CERS1: variants seen among roughly 807,000 people sequenced by gnomAD.
The protein encoded by CERS1 is Embryonic growth/differentiation factor 1.
In CERS1, 16 loss-of-function variants were observed where a neutral mutation model predicts 35.7. The observed-to-expected ratio is 0.45, with a 90% CI of 0.30 to 0.68. The LOEUF (loss-of-function observed/expected upper bound fraction) is 0.68, where lower values mean the gene tolerates loss of function less well. CERS1 is among the 30% of genes least tolerant of loss of function. The probability of loss-of-function intolerance (pLI) is 0.08; values close to 1 mark genes in which losing one functional copy is unlikely to be tolerated. For synonymous variants in CERS1, 243 were observed against 201.6 expected (o/e 1.21, Z -1.74); for missense variants, 454 against 453.9 (o/e 1.00, Z 0.00).
chr19:18,890,357 C>T (rs1045220504), intron 2 of CERS1, among the ~76,000 whole-genome samples: 1 of 152,248 alleles, frequency 6.6e-6, no homozygotes, highest in South Asian at 2.1e-4. Flanking sequence ...CCCTGCCACA[C>T]GGCCAGCTTC....
chr19:18,878,202 C>T lies in CERS1; in HGVS notation c.1010+728G>A. On this transcript the variant is annotated intron_variant, in intron 6 of 7. Transcript: ENST00000623882. The surrounding 1 kb of genome is among the most constrained non-coding windows in gnomAD (Gnocchi z 4.6). ...CCTTCCACAACCTCCTGCCCCGGCTCCTGCTCAAACACTCCTCACGTTGCC... is the reference window on the plus strand; with the variant it reads ...CCTTCCACAACCTCCTGCCCCGGCTTCTGCTCAAACACTCCTCACGTTGCC... 6 of 985,646 alleles carry T rather than the reference C, an allele frequency of 6.1e-6. No homozygotes were observed. Among genetic ancestry groups the T allele is most frequent in the African/African-American group, 1.7e-5 (1 of 57,328 alleles). The allele number at this position is 985,646 out of a possible 1,614,324, so 61.1% of individuals were successfully genotyped here. A position where few individuals can be genotyped will look rare whatever the true frequency, so the allele number is the denominator to read the frequency against.
chr19:18,880,329 G>A lies in CERS1; in HGVS notation c.697C>T (p.His233Tyr). 3.2e-6 allele frequency: 5 copies of A among 1,555,040 alleles called. No individual in the cohort carries two copies. Among genetic ancestry groups the A allele is most frequent in the Non-Finnish European group, 4.4e-6 (5 of 1,149,390 alleles). ...TCTGCTGCCAAGGCATGCAGCCGAT[G>A]GTAGGAGCCGCCGCGGGACTTGAAG... ...IYFKSRGGSY[H>Y]RLHALAADLG... The change falls in exon 4 of 8, where the codon CAT (histidine) becomes TAT (tyrosine). Residue 233 changes from histidine to tyrosine, a missense_variant. Coordinates refer to ENST00000623882, the MANE Select transcript of CERS1 (RefSeq NM_021267.5).
rs947865802 is a variant in CERS1 at position 18,869,972 on chromosome 19, G to A, written c.*594+11C>T. ...TCCAGGACCAGTGTCCCCAGCGAAAGCCCCACTCACCGCGGTCCGGGATGT... is the reference window on the plus strand; with the variant it reads ...TCCAGGACCAGTGTCCCCAGCGAAAACCCCACTCACCGCGGTCCGGGATGT... On this transcript the variant is annotated intron_variant, in intron 7 of 7. Coordinates refer to ENST00000623882, the MANE Select transcript of CERS1 (RefSeq NM_021267.5). 7 of 1,578,500 alleles carry A rather than the reference G, an allele frequency of 4.4e-6. No individual in the cohort carries two copies. Among genetic ancestry groups the A allele is most frequent in the Non-Finnish European group, 6.0e-6 (7 of 1,163,924 alleles).
In CERS1 at chr19:18,880,285, G is replaced by A. The variant is rs566462746; in HGVS notation, c.741C>T (p.Phe247=). The A allele has an allele frequency of 2.9e-5, 45 of 1,550,546 alleles. No homozygotes were observed. In the East Asian group the frequency reaches 6.3e-4, roughly 22 times the overall value. ...ALAADLGCLS[F]GFSWFWFRLY... ...TCCCTACCACTCACCAGCTGAAGCC[G>A]AAGCTGAGGCAGCCCAAGTCTGCTG... Residue 247 remains phenylalanine, a synonymous_variant, in exon 4 of 8, where the codon TTC becomes TTT. Transcript: ENST00000623882.
rs745755701 is a variant in CERS1, at chr19:18,870,199, C to T, written c.*378G>A. 1.6e-5 allele frequency: 25 copies of T among 1,558,990 alleles called. No individual in the cohort carries two copies. Among genetic ancestry groups the T allele is most frequent in the Admixed American group, 1.9e-5 (1 of 52,524 alleles). Reference sequence around the variant, plus strand: ...AGTCCTAGAGCCTGGAGCAGGGCGGCGGCTGGGCCTGGGGGCACGGGGGCG... The same window carrying T: ...AGTCCTAGAGCCTGGAGCAGGGCGGTGGCTGGGCCTGGGGGCACGGGGGCG... On this transcript the variant is annotated 3_prime_UTR_variant, in exon 7 of 8. Transcript: ENST00000623882. The surrounding 1 kb of genome is among the most constrained non-coding windows in gnomAD (Gnocchi z 5.1).
chr19:18,896,056 G>C lies in CERS1; in HGVS notation c.17C>G (p.Pro6Arg), dbSNP rs1232263427. The C allele has an allele frequency of 7.1e-6, 7 of 983,492 alleles. No homozygotes were observed. Among genetic ancestry groups the C allele is most frequent in the Non-Finnish European group, 8.4e-6 (7 of 829,908 alleles). The allele number at this position is 983,492 out of a possible 1,614,324, so 60.9% of individuals were successfully genotyped here. MAAAG[P>R]AAGPTGPEPM... is the part of the protein sequence containing the mutation. ...CTCGGGCCCCGTCGGCCCCGCCGCG[G>C]GCCCCGCCGCCGCCATACCGCCCGC... Residue 6 changes from proline to arginine, a missense_variant, in exon 1 of 8, where the codon CCC becomes CGC. Pro to Arg is a moderately radical substitution (Grantham distance 103). Coordinates refer to ENST00000623882, the MANE Select transcript of CERS1 (RefSeq NM_021267.5). The surrounding 1 kb of genome is among the most constrained non-coding windows in gnomAD (Gnocchi z 5.9).
chr19:18,869,121 G>A lies in CERS1; in HGVS notation c.*864C>T, dbSNP rs1231020146. 1 of 1,090,296 alleles carries A rather than the reference G, an allele frequency of 9.2e-7. No individual in the cohort carries two copies. Among genetic ancestry groups the A allele is most frequent in the Non-Finnish European group, 1.1e-6 (1 of 896,700 alleles). 67.5% of individuals were successfully genotyped at this position (1,090,296 alleles called of 1,614,324 possible). On this transcript the variant is annotated 3_prime_UTR_variant, in exon 8 of 8. Transcript: ENST00000623882. ...GCGTTGCGAGCCCAAGCGGCGCCCA[G>A]CAGCTCCGCGCGCACTGGCGGCCCC...
Position 18,879,323 on chromosome 19 carries a change from C to T in CERS1, c.818G>A (p.Arg273His), listed in dbSNP as rs775672669. Residue 273 changes from arginine to histidine, a missense_variant, in exon 5 of 8, where the codon CGC (arginine) becomes CAC (histidine). Arg to His is a conservative substitution (Grantham distance 29, BLOSUM62 0). Transcript: ENST00000623882. ...GTAGAAGGGGATGTCAGGCACCGTG[C>T]GCAGACTGCAGTGACTGGTGGCATA... Reference protein sequence around the residue: ...VLYATSHCSLRTVPDIPFYFF... With the variant: ...VLYATSHCSLHTVPDIPFYFF... 8.1e-6 allele frequency: 13 copies of T among 1,609,282 alleles called. No individual in the cohort carries two copies. Among genetic ancestry groups the T allele is most frequent in the Middle Eastern group, 1.7e-4 (1 of 6,056 alleles).
chr19:18,893,522 C>T lies in CERS1; in HGVS notation c.303G>A (p.Glu101=), dbSNP rs1421805338. The T allele has an allele frequency of 2.5e-6, 4 of 1,610,870 alleles. No individual in the cohort carries two copies. The highest frequency in any genetic ancestry group is 3.4e-6 in the Non-Finnish European group (4 of 1,178,874). ...GGTAGAAGAGAAACTTCCAAGCGCTCTCGGGCATCTTGGCGGCATCTCTGG... is the reference window on the plus strand; with the variant it reads ...GGTAGAAGAGAAACTTCCAAGCGCTTTCGGGCATCTTGGCGGCATCTCTGG... ...LQPRDAAKMP[E]SAWKFLFYLG... is the part of the protein sequence containing the mutation. Residue 101 remains glutamate (E), a synonymous_variant, in exon 2 of 8, where the codon GAG becomes GAA. Coordinates refer to ENST00000623882, the MANE Select transcript of CERS1 (RefSeq NM_021267.5).
chr19:18,877,735 C>T (rs1225464860), intron 6 of CERS1, among the ~76,000 whole-genome samples: 3 of 129,590 alleles, frequency 2.3e-5, no homozygotes, highest in East Asian at 2.2e-4. Context: ...CCAGCCTGGA[C>T]GACAGAGTGA....
chr19:18,880,162 A>G (rs563400159), intron 4 of CERS1, 112 bp downstream of exon 4: 1 of 1,056,792 alleles, frequency 9.5e-7, no homozygotes, highest in Admixed American at 2.9e-5. Context: ...CATGCCACAC[A>G]CCCACCTCAC....
intron 2 of CERS1, among the ~76,000 whole-genome samples, chr19:18,893,143 A>G (rs963412150): frequency 2.6e-5 from 4 of 151,930 alleles, no homozygotes; most frequent in East Asian, 1.9e-4. Context: ...TCGATCTCCT[A>G]ACCTCGTGAT....
chr19:18,870,000 C>T lies in CERS1; in HGVS notation c.*577G>A. 6.3e-7 allele frequency: 1 copy of T among 1,595,504 alleles called. No individual in the cohort carries two copies. On this transcript the variant is annotated 3_prime_UTR_variant, in exon 7 of 8. Transcript: ENST00000623882. ...CCACTCACCGCGGTCCGGGATGTGG[C>T]GCACGATGTTTCCGGCGACCCCCAG...
chr19:18,890,679 G>A lies in CERS1; in HGVS notation c.409+2737C>T, dbSNP rs183280546. On this transcript the variant is annotated intron_variant, in intron 2 of 7. Coordinates refer to ENST00000623882, the MANE Select transcript of CERS1 (RefSeq NM_021267.5). Reference sequence around the variant, plus strand: ...ACCTGTGGTCCCAGCTACTCAGAAGGCTGAGGTGGGATGATTGCTTGAGCC... The same window carrying A: ...ACCTGTGGTCCCAGCTACTCAGAAGACTGAGGTGGGATGATTGCTTGAGCC... 2.6e-5 allele frequency among the ~76,000 whole-genome samples: 4 copies of A among 151,686 alleles called. No individual in the cohort carries two copies. The East Asian group carries it at 7.7e-4, about 29-fold the overall frequency.
At chr19:18,881,562 CCA>C (rs1232654755) in intron 3 of CERS1, 2 of 152,122 alleles carry the variant, frequency 1.3e-5, no homozygotes, top group African/African-American at 4.8e-5. Context: ...CCCTGTCCTT[CCA>C]CAGAGTCTCC....
At chr19:18,869,908 C>CCCGGGCCACTCT in intron 7 of CERS1, 75 bp downstream of exon 7, 1 of 1,441,756 alleles carries the variant, frequency 6.9e-7, no homozygotes, top group Non-Finnish European at 9.5e-7. Flanking sequence ...CTCGGGCATC[C>CCCGGGCCACTCT]CCGGGCCACT....
At position 18,880,342 on chromosome 19, in the gene CERS1, G is replaced by A. The variant is rs761091051; in HGVS notation, c.684C>T (p.Arg228=). 1.9e-6 allele frequency: 3 copies of A among 1,558,720 alleles called. No individual in the cohort carries two copies. Among genetic ancestry groups the A allele is most frequent in the East Asian group, 2.4e-5 (1 of 41,622 alleles). ...CATGCAGCCGATGGTAGGAGCCGCC[G>A]CGGGACTTGAAGTAAATGTTGAGCT... ...FTKLNIYFKS[R]GGSYHRLHAL... is the part of the protein sequence containing the mutation. Residue 228 remains arginine (R), a synonymous_variant, in exon 4 of 8, where the codon CGC becomes CGT. Transcript: ENST00000623882.
In CERS1 at chr19:18,879,918, C is replaced by T. The variant is rs188424911; in HGVS notation, c.752+356G>A. Among the ~76,000 whole-genome samples, 393 of 151,424 alleles carry T rather than the reference C, an allele frequency of 2.6e-3. 1 individual carries two copies. The highest frequency in any genetic ancestry group is 4.5e-3 in the Admixed American group (68 of 15,174). ...CTTTCTCTGCCTAGCCCTACCCCAA[C>T]CCTGCTTGGCCCCACCCCTGGCTTG... On this transcript the variant is annotated intron_variant, in intron 4 of 7. Transcript: ENST00000623882.
intron 3 of CERS1, among the ~76,000 whole-genome samples, chr19:18,883,784 C>T (rs1363871198): frequency 6.6e-6 from 1 of 151,390 alleles, no homozygotes; most frequent in Non-Finnish European, 1.5e-5. Context: ...CCTGGCTGGT[C>T]AAGGGCAGCG....
Sources: gnomAD v4.1 joint callset for allele counts (sites outside exome capture counted in the v4.1 genomes callset) on GRCh38, gnomAD v4.1.1 for gene constraint, Gnocchi (gnomAD v3.1) non-coding constraint, MANE v1.5 for transcripts, NCBI Gene and HGNC (gene_info 2026-07-23, HGNC 2026-07-21) for gene names.